MEOX2: variants seen among roughly 807,000 people sequenced by gnomAD.
MEOX2 encodes mesenchyme homeobox 2.
Under a neutral mutation model 27.0 loss-of-function variants are expected in MEOX2, and 11 were observed. That is an observed-to-expected ratio of 0.41 (90% CI 0.26 to 0.68). MEOX2 has a LOEUF of 0.68. Ranked by LOEUF, MEOX2 falls within the 30% of genes least tolerant of loss-of-function variation. MEOX2 has a pLI of 0.33. For synonymous variants in MEOX2, 189 were observed against 155.4 expected (o/e 1.22, Z -1.61); for missense variants, 436 against 385.4 (o/e 1.13, Z -1.10).
chr7:15,686,468 C>T lies in MEOX2; in HGVS notation c.-66G>A. ...GGTTCCAAAGGCCACCACCCTCTGTCACTTTTTCACTGGAAACCGTGTGAT... is the reference window on the plus strand; with the variant it reads ...GGTTCCAAAGGCCACCACCCTCTGTTACTTTTTCACTGGAAACCGTGTGAT... On this transcript the variant is annotated 5_prime_UTR_variant, in exon 1 of 3. Coordinates refer to ENST00000262041, the MANE Select transcript of MEOX2 (RefSeq NM_005924.5). The T allele has an allele frequency of 3.6e-6, 5 of 1,372,520 alleles. No homozygotes were observed. Among genetic ancestry groups the T allele is most frequent in the Non-Finnish European group, 4.9e-6 (5 of 1,019,142 alleles). 85.0% of individuals were successfully genotyped at this position (1,372,520 alleles called of 1,614,324 possible). A position where few individuals can be genotyped will look rare whatever the true frequency, so the allele number is the denominator to read the frequency against.
At chr7:15,657,500 G>A (rs1198974683) in intron 1 of MEOX2, among the ~76,000 whole-genome samples, 3 of 151,678 alleles carry the variant, frequency 2.0e-5, no homozygotes, top group African/African-American at 7.3e-5. Context: ...ATTTTATTTT[G>A]GCTAGTATAT....
chr7:15,684,630 G>A lies in MEOX2; in HGVS notation c.517+1256C>T, dbSNP rs377744878. On this transcript the variant is annotated intron_variant, in intron 1 of 2. Transcript: ENST00000262041. ...GCGGCCAATCATTTTCATTTATGTG[G>A]CATCTTACCTAAAGCTTTACACACG... is the stretch of plus-strand genomic sequence containing the variant. Among the ~76,000 whole-genome samples, 86 of 152,224 alleles carry A rather than the reference G, an allele frequency of 5.6e-4. 3 individuals are homozygous for A. The South Asian group carries it at 0.017, about 30-fold the overall frequency.
chr7:15,637,419 A>G (rs1781496562), intron 1 of MEOX2, among the ~76,000 whole-genome samples: 1 of 152,096 alleles, frequency 6.6e-6, no homozygotes, highest in East Asian at 1.9e-4. Flanking sequence ...GGTGGAGAGA[A>G]AGGGACTTGA....
intron 1 of MEOX2, 105 bp downstream of exon 1, chr7:15,685,781 C>T: frequency 6.9e-7 from 1 of 1,439,406 alleles, no homozygotes; most frequent in Non-Finnish European, 9.3e-7. Context: ...CAACACATTC[C>T]CATCTTCCCT....
At chr7:15,661,866 G>A (rs879509188) in intron 1 of MEOX2, among the ~76,000 whole-genome samples, 7 of 152,110 alleles carry the variant, frequency 4.6e-5, no homozygotes, top group Non-Finnish European at 8.8e-5. Flanking sequence ...GGCTGGGGTG[G>A]CAAACATAGA....
At chr7:15,632,775 A>G (rs1337187363) in intron 1 of MEOX2, among the ~76,000 whole-genome samples, 1 of 151,914 alleles carries the variant, frequency 6.6e-6, no homozygotes, top group Non-Finnish European at 1.5e-5. Context: ...ATTTTGCTAC[A>G]CATTTCTAGG....
At chr7:15,661,799 T>C (rs1781923569) in intron 1 of MEOX2, among the ~76,000 whole-genome samples, 1 of 152,156 alleles carries the variant, frequency 6.6e-6, no homozygotes, top group Admixed American at 6.5e-5. Flanking sequence ...TTTGACATTA[T>C]TAGTACCACT....
At chr7:15,648,049 C>A (rs924206626) in intron 1 of MEOX2, among the ~76,000 whole-genome samples, 26 of 151,990 alleles carry the variant, frequency 1.7e-4, no homozygotes, top group African/African-American at 6.0e-4. Flanking sequence ...GATGTTGATA[C>A]TATCAGGCTA....
chr7:15,652,137 A>G (rs1781740920), intron 1 of MEOX2, among the ~76,000 whole-genome samples: 1 of 152,108 alleles, frequency 6.6e-6, no homozygotes, highest in Non-Finnish European at 1.5e-5. Flanking sequence ...CTCAGCAATT[A>G]ATTCATTTTC....
chr7:15,612,151 A>T lies in MEOX2; in HGVS notation c.*236T>A. On this transcript the variant is annotated 3_prime_UTR_variant, in exon 3 of 3. Coordinates refer to ENST00000262041, the MANE Select transcript of MEOX2 (RefSeq NM_005924.5). ...CTGCTCACTGCCATACGCACGACCA[A>T]ACACATCTGGAATATTCAAAGCAAG... 1 of 560,790 alleles carries T rather than the reference A, an allele frequency of 1.8e-6. No homozygotes were observed. 34.7% of individuals were successfully genotyped at this position (560,790 alleles called of 1,614,324 possible).
Position 15,612,485 on chromosome 7 carries a change from A to G in MEOX2, c.817T>C (p.Ser273Pro). The G allele has an allele frequency of 1.2e-6, 2 of 1,614,130 alleles. No homozygotes were observed. Among genetic ancestry groups the G allele is most frequent in the Non-Finnish European group, 1.7e-6 (2 of 1,180,010 alleles). ...KKGTLLPSEL[S>P]GIGAATLQQT... Reference sequence around the variant, plus strand: ...TGGAGGGTGGCTGCACCAATTCCCGACAGCTCTGATGGGAGAAGTGTTCCC... The same window carrying G: ...TGGAGGGTGGCTGCACCAATTCCCGGCAGCTCTGATGGGAGAAGTGTTCCC... Residue 273 changes from serine (S) to proline (P), a missense_variant, in exon 3 of 3, where the codon TCG becomes CCG. Transcript: ENST00000262041.
intron 1 of MEOX2, among the ~76,000 whole-genome samples, chr7:15,673,886 C>A (rs1782151098): frequency 6.6e-6 from 1 of 152,038 alleles, no homozygotes; most frequent in Non-Finnish European, 1.5e-5. Flanking sequence ...AGAACATTGT[C>A]TTAAACTCCT....
chr7:15,653,613 T>A (rs879818231), intron 1 of MEOX2, among the ~76,000 whole-genome samples: 4 of 152,022 alleles, frequency 2.6e-5, no homozygotes, highest in African/African-American at 4.8e-5. Flanking sequence ...TAAGTGAATG[T>A]TTTGCATTTA....
chr7:15,670,106 T>C (rs1010058485), intron 1 of MEOX2, among the ~76,000 whole-genome samples: 8 of 152,238 alleles, frequency 5.3e-5, no homozygotes, highest in Non-Finnish European at 8.8e-5. Context: ...TCCATTGTTA[T>C]GTTGTGCTTT....
chr7:15,663,475 G>A (rs1444514699), intron 1 of MEOX2, among the ~76,000 whole-genome samples: 1 of 150,636 alleles, frequency 6.6e-6, no homozygotes. Context: ...TGGGGTTACA[G>A]GCGCATGCCA....
chr7:15,634,739 C>G (rs1292567548), intron 1 of MEOX2, among the ~76,000 whole-genome samples: 2 of 151,936 alleles, frequency 1.3e-5, no homozygotes, highest in Non-Finnish European at 2.9e-5. Context: ...CACCTTTATA[C>G]TGTGGTCACG....
chr7:15,632,137 G>C (rs1186239360), intron 1 of MEOX2, among the ~76,000 whole-genome samples: 1 of 151,554 alleles, frequency 6.6e-6, no homozygotes, highest in Non-Finnish European at 1.5e-5. Context: ...AATTTCCTTG[G>C]CATTGCATTG....
chr7:15,654,893 C>G (rs971291887), intron 1 of MEOX2, among the ~76,000 whole-genome samples: 4 of 151,564 alleles, frequency 2.6e-5, no homozygotes, highest in Admixed American at 6.6e-5. Context: ...ATAATACTAT[C>G]TTTATGAAGT....
chr7:15,635,713 T>TA (rs3839755), intron 1 of MEOX2, among the ~76,000 whole-genome samples: 13,840 of 151,978 alleles, frequency 0.091, 693 homozygotes, highest in East Asian at 0.14. Flanking sequence ...GACCTCAATC[T>TA]AAAAATCTAA....
Sources: allele counts gnomAD v4.1 joint callset (sites outside exome capture counted in the v4.1 genomes callset), GRCh38; gene constraint gnomAD v4.1.1; transcripts MANE v1.5; gene names NCBI Gene and HGNC (gene_info 2026-07-23, HGNC 2026-07-21).